Variants in DHRS9 observed in about 807,000 individuals in gnomAD.
DHRS9 encodes the protein dehydrogenase/reductase 9.
In DHRS9, 18 loss-of-function variants were observed where a neutral mutation model predicts 26.6. The observed-to-expected ratio is 0.68, with a 90% CI of 0.47 to 1.00. DHRS9 has a LOEUF of 1.00. Among genes scored for constraint, DHRS9 ranks in the 50% least tolerant of loss-of-function variants. The pLI, the probability that DHRS9 is intolerant of heterozygous loss-of-function variation, is 0.00. For synonymous variants in DHRS9, 134 were observed against 141.1 expected (o/e 0.95, Z 0.36); for missense variants, 425 against 378.7 (o/e 1.12, Z -1.01).
rs759443133 is a variant in DHRS9 at position 169,081,675 on chromosome 2, AT to A, written c.99del (p.Phe33LeufsTer24). ...LKIEDITDKY[I>X]FITGCDSGFG... Reference sequence around the variant, plus strand: ...GATTGAAGACATCACTGATAAGTACATTTTTATCACTGGATGTGACTCGGGC... The same window carrying A: ...GATTGAAGACATCACTGATAAGTACATTTTATCACTGGATGTGACTCGGGC... On this transcript the variant is annotated frameshift_variant, in exon 2 of 5. Transcript: ENST00000674881. LOFTEE classifies it high-confidence loss of function. 1 of 1,614,208 alleles carries A rather than the reference AT, an allele frequency of 6.2e-7. No homozygotes were observed. The highest frequency in any genetic ancestry group is 8.5e-7 in the Non-Finnish European group (1 of 1,180,028).
At chr2:169,095,150 T>C (rs774515958) in intron 4 of DHRS9, among the ~76,000 whole-genome samples, 1 of 152,126 alleles carries the variant, frequency 6.6e-6, no homozygotes, top group African/African-American at 2.4e-5. Flanking sequence ...CTTTATGAAG[T>C]ATCGTTTCCT....
intron 1 of DHRS9, among the ~76,000 whole-genome samples, chr2:169,079,896 AGGGAGGGAGG>A (rs1450604963): frequency 2.9e-5 from 2 of 70,034 alleles, no homozygotes; most frequent in African/African-American, 1.7e-4. Flanking sequence ...AGAGAGAGAG[AGGGAGGGAGG>A]GAGGGAGGGA....
At position 169,070,018 on chromosome 2, in the gene DHRS9, C is replaced by T. The variant is rs115297200; in HGVS notation, c.-60+301C>T. On this transcript the variant is annotated intron_variant, in intron 1 of 4. Coordinates refer to ENST00000674881, the MANE Select transcript of DHRS9 (RefSeq NM_001376924.1). Reference sequence around the variant, plus strand: ...TTTTATTTTCTCTGTGCCTTCTTGACACTATCTGTGAATCTTATGATTAAT... The same window carrying T: ...TTTTATTTTCTCTGTGCCTTCTTGATACTATCTGTGAATCTTATGATTAAT... 1.1e-3 allele frequency: 935 copies of T among 864,754 alleles called. 7 individuals carry two copies. The African/African-American group carries it at 0.015, about 14-fold the overall frequency. The allele number at this position is 864,754 out of a possible 1,614,324, so 53.6% of individuals were successfully genotyped here. A position where few individuals can be genotyped will look rare whatever the true frequency, so the allele number is the denominator to read the frequency against.
At chr2:169,084,996 T>TA in intron 3 of DHRS9, among the ~76,000 whole-genome samples, 1 of 152,322 alleles carries the variant, frequency 6.6e-6, no homozygotes, top group South Asian at 2.1e-4. Flanking sequence ...TCCATTTTGA[T>TA]ATGATTTTTG....
At chr2:169,083,119 G>A (rs1409598008) in intron 2 of DHRS9, among the ~76,000 whole-genome samples, 1 of 152,172 alleles carries the variant, frequency 6.6e-6, no homozygotes, top group East Asian at 1.9e-4. Context: ...TTCAGAACCA[G>A]AAATAGAGTA....
At chr2:169,074,879 C>T (rs1683917412) in intron 1 of DHRS9, among the ~76,000 whole-genome samples, 1 of 152,152 alleles carries the variant, frequency 6.6e-6, no homozygotes, top group Non-Finnish European at 1.5e-5. Context: ...AGAGCTGTAC[C>T]TAATGAGGAC....
chr2:169,093,331 AAC>A (rs58377569), intron 4 of DHRS9, among the ~76,000 whole-genome samples: 1 of 151,030 alleles, frequency 6.6e-6, no homozygotes, highest in East Asian at 2.0e-4. Context: ...CATTACCCTA[AAC>A]ACACACACAC....
chr2:169,090,405 G>T (rs1335553806), intron 3 of DHRS9, among the ~76,000 whole-genome samples: 1 of 152,058 alleles, frequency 6.6e-6, no homozygotes, highest in Non-Finnish European at 1.5e-5. Flanking sequence ...GAGGAAATTG[G>T]GCAACAGGTG....
At chr2:169,081,132 A>C (rs1430321377) in intron 1 of DHRS9, 1 of 999,572 alleles carries the variant, frequency 1.0e-6, no homozygotes, top group Admixed American at 5.7e-5. Context: ...TCTGCAGTGG[A>C]ATTTCATGAA....
chr2:169,091,224 T>TATAAAATAAAATAAAATAAAATAAA (rs56686443), intron 3 of DHRS9, among the ~76,000 whole-genome samples: 2 of 121,130 alleles, frequency 1.7e-5, no homozygotes, highest in African/African-American at 6.2e-5. Context: ...TGCAGCATGA[T>TATAAAATAAAATAAAATAAAATAAA]ATAAAATAAA....
intron 3 of DHRS9, among the ~76,000 whole-genome samples, chr2:169,089,248 C>G (rs912995904): frequency 6.6e-5 from 10 of 152,158 alleles, no homozygotes; most frequent in African/African-American, 1.9e-4. Flanking sequence ...GTTTCCAGAA[C>G]CTGGAGACGC....
intron 1 of DHRS9, among the ~76,000 whole-genome samples, chr2:169,079,979 GAGAGAGAAAGAA>G (rs1558951549): frequency 1.7e-5 from 1 of 58,170 alleles, no homozygotes; most frequent in African/African-American, 6.6e-5. Context: ...GAGAGAGAGA[GAGAGAGAAAGAA>G]AGAAAGAAAG....
intron 2 of DHRS9, 117 bp downstream of exon 2, chr2:169,082,011 C>A: frequency 9.5e-7 from 1 of 1,048,768 alleles, no homozygotes; most frequent in Non-Finnish European, 1.4e-6. Context: ...TTCCTAAATA[C>A]CGGCTGTGTA....
chr2:169,067,978 T>C (rs376611010), upstream of DHRS9, among the ~76,000 whole-genome samples: 51 of 152,350 alleles, frequency 3.3e-4, no homozygotes, highest in African/African-American at 1.2e-3. Flanking sequence ...ACATTTGACT[T>C]TTTTTAAGTC....
intron 3 of DHRS9, among the ~76,000 whole-genome samples, chr2:169,084,797 T>G (rs1334251322): frequency 6.6e-6 from 1 of 152,170 alleles, no homozygotes; most frequent in Admixed American, 6.5e-5. Context: ...TTCACTTTTT[T>G]GATTGTTTCC....
upstream of DHRS9, among the ~76,000 whole-genome samples, chr2:169,068,111 T>A (rs1262706803): frequency 6.6e-6 from 1 of 152,226 alleles, no homozygotes; most frequent in African/African-American, 2.4e-5. Context: ...CCCAGGTGCA[T>A]GAGGCTCTCT....
intron 1 of DHRS9, 137 bp downstream of exon 1, chr2:169,069,854 C>T: frequency 2.5e-6 from 2 of 797,648 alleles, no homozygotes; most frequent in Non-Finnish European, 3.0e-6. Context: ...TTTAATGTAA[C>T]ACATTAGAAC....
At chr2:169,083,224 CA>C in intron 2 of DHRS9, 104 bp from the exon 3 acceptor site, 1 of 1,411,826 alleles carries the variant, frequency 7.1e-7, no homozygotes, top group Non-Finnish European at 9.7e-7. Context: ...AAAATGACTT[CA>C]AGGAGGAAAT....
chr2:169,072,622 G>A, intron 1 of DHRS9: 5 of 985,446 alleles, frequency 5.1e-6, no homozygotes, highest in Non-Finnish European at 6.0e-6. Flanking sequence ...ATCAAGGAGA[G>A]CGCTCGAGTT....
Sources: gnomAD v4.1 joint callset for allele counts (sites outside exome capture counted in the v4.1 genomes callset) on GRCh38, gnomAD v4.1.1 for gene constraint, MANE v1.5 for transcripts, NCBI Gene and HGNC (gene_info 2026-07-23, HGNC 2026-07-21) for gene names.